Variants in HMOX2 observed in about 807,000 individuals in gnomAD.
HMOX2 encodes the protein heme oxygenase 2.
HMOX2 carries 30 observed loss-of-function variants against 33.7 expected under a neutral mutation model. The observed-to-expected ratio is 0.89, with a 90% CI of 0.67 to 1.21. HMOX2 has a LOEUF of 1.21. Among genes scored for constraint, HMOX2 ranks in the 50% most tolerant of loss-of-function variants. HMOX2 has a pLI of 0.00. For synonymous variants in HMOX2, 155 were observed against 155.0 expected (o/e 1.00, Z 0.00); for missense variants, 403 against 399.1 (o/e 1.01, Z -0.08).
intron 1 of HMOX2, among the ~76,000 whole-genome samples, chr16:4,479,758 T>G (rs2057968870): frequency 1.0e-5 from 1 of 98,422 alleles, no homozygotes; most frequent in African/African-American, 4.5e-5. Flanking sequence ...TTTTTTTTTT[T>G]GAGACAGTCT....
At chr16:4,495,383 T>C (rs2058394305) in intron 1 of HMOX2, 1 of 152,250 alleles carries the variant, frequency 6.6e-6, no homozygotes, top group African/African-American at 2.4e-5. Flanking sequence ...TGTCCCACCA[T>C]AGGCACAGTC....
intron 1 of HMOX2, among the ~76,000 whole-genome samples, chr16:4,482,143 T>G (rs1202963827): frequency 6.6e-6 from 1 of 152,202 alleles, no homozygotes; most frequent in Non-Finnish European, 1.5e-5. Flanking sequence ...CTCTACCATA[T>G]ACTTGAGAAT....
At chr16:4,475,822 C>G (rs2057807971), upstream of HMOX2, 1 of 152,024 alleles carries the variant, frequency 6.6e-6, no homozygotes, top group South Asian at 2.1e-4. Flanking sequence ...GCTTGTAATC[C>G]CAGCTATTCG....
At chr16:4,503,858 G>A (rs538801093) in intron 1 of HMOX2, among the ~76,000 whole-genome samples, 2 of 152,300 alleles carry the variant, frequency 1.3e-5, no homozygotes, top group Non-Finnish European at 2.9e-5. Context: ...CTGTTTCTGG[G>A]TAGAGCACAT....
intron 1 of HMOX2, chr16:4,496,418 C>G (rs2058422557): frequency 6.6e-6 from 1 of 152,076 alleles, no homozygotes; most frequent in Non-Finnish European, 1.5e-5. Context: ...GTCACCATGC[C>G]TGGCCTCTTG....
chr16:4,506,913 G>A lies in HMOX2; in HGVS notation c.105G>A (p.Glu35=). The A allele has an allele frequency of 3.7e-6, 6 of 1,613,704 alleles. No individual in the cohort carries two copies. Among genetic ancestry groups the A allele is most frequent in the Non-Finnish European group, 5.1e-6 (6 of 1,179,616 alleles). ...ENQMRMADLS[E]LLKEGTKEAH... ...TCCACAGAATGGCTGACCTCTCGGA[G>A]CTCCTGAAGGAAGGGACCAAGGAAG... Residue 35 remains glutamate, a synonymous_variant, in exon 3 of 6, where the codon GAG becomes GAA. Transcript: ENST00000570646.
At chr16:4,480,575 C>A (rs60919592) in intron 1 of HMOX2, among the ~76,000 whole-genome samples, 17,191 of 149,000 alleles carry the variant, frequency 0.12, 2,048 homozygotes, top group African/African-American at 0.3. Flanking sequence ...AAACTCCTGA[C>A]CTCAAGTGGT....
chr16:4,488,605 G>A (rs2058231690), intron 1 of HMOX2: 1 of 152,184 alleles, frequency 6.6e-6, no homozygotes, highest in Non-Finnish European at 1.5e-5. Context: ...TTACAAAGTT[G>A]TATAACTATT....
chr16:4,507,781 T>C lies in HMOX2; in HGVS notation c.273T>C (p.His91=). 6.2e-7 allele frequency: 1 copy of C among 1,614,092 alleles called. No homozygotes were observed. Among genetic ancestry groups the C allele is most frequent in the Non-Finnish European group, 8.5e-7 (1 of 1,180,012 alleles). The change falls in exon 4 of 6, where the codon CAT becomes CAC. Residue 91 remains histidine, a synonymous_variant. Coordinates refer to ENST00000570646, the MANE Select transcript of HMOX2 (RefSeq NM_002134.4). ...AGGAAATGGAGCGCAACAAGGACCATCCAGCCTTTGCCCCTTTGTACTTCC... is the reference window on the plus strand; with the variant it reads ...AGGAAATGGAGCGCAACAAGGACCACCCAGCCTTTGCCCCTTTGTACTTCC... ...LEEEMERNKD[H]PAFAPLYFPM...
At chr16:4,482,211 C>A (rs969456849) in intron 1 of HMOX2, among the ~76,000 whole-genome samples, 6 of 152,166 alleles carry the variant, frequency 3.9e-5, no homozygotes, top group African/African-American at 1.4e-4. Flanking sequence ...TTGTCCTGCT[C>A]TGTAAGACTT....
intron 1 of HMOX2, among the ~76,000 whole-genome samples, chr16:4,484,881 T>C (rs1337830540): frequency 1.3e-5 from 2 of 152,196 alleles, no homozygotes; most frequent in Non-Finnish European, 2.9e-5. Flanking sequence ...GTTGTTATAC[T>C]GTATCGTTTA....
intron 1 of HMOX2, among the ~76,000 whole-genome samples, chr16:4,498,266 C>T (rs1169193249): frequency 6.6e-6 from 1 of 151,812 alleles, no homozygotes; most frequent in African/African-American, 2.4e-5. Context: ...GGGGTTTTGC[C>T]ATGTTGGCCA....
intron 3 of HMOX2, 56 bp downstream of exon 3, chr16:4,507,068 G>T: frequency 1.7e-6 from 2 of 1,164,010 alleles, no homozygotes; most frequent in South Asian, 2.4e-5. Context: ...TGGGGGCCTT[G>T]GTCCCATGAG....
intron 1 of HMOX2, among the ~76,000 whole-genome samples, chr16:4,489,071 G>A (rs942712067): frequency 2.6e-5 from 4 of 151,944 alleles, no homozygotes; most frequent in African/African-American, 4.8e-5. Context: ...TAAGGAGGGG[G>A]CAAGTAACAC....
chr16:4,501,073 T>C (rs959491891), intron 1 of HMOX2, among the ~76,000 whole-genome samples: 1 of 152,174 alleles, frequency 6.6e-6, no homozygotes, highest in African/African-American at 2.4e-5. Flanking sequence ...ACTAGTTAGT[T>C]AATGCAGTGC....
chr16:4,509,878 C>T lies in HMOX2; in HGVS notation c.*122C>T. The T allele has an allele frequency of 8.7e-7, 1 of 1,149,570 alleles. No individual in the cohort carries two copies. Among genetic ancestry groups the T allele is most frequent in the Admixed American group, 2.5e-5 (1 of 39,634 alleles). The allele number at this position is 1,149,570 out of a possible 1,614,324, so 71.2% of individuals were successfully genotyped here. Reference sequence around the variant, plus strand: ...TAAAAAATGCTGGGTTTAAGAAAGGCAACCAATAAAAGCCAGATGCTAGAG... The same window carrying T: ...TAAAAAATGCTGGGTTTAAGAAAGGTAACCAATAAAAGCCAGATGCTAGAG... On this transcript the variant is annotated 3_prime_UTR_variant, in exon 6 of 6. Transcript: ENST00000570646.
At chr16:4,481,364 A>AG (rs1235502150) in intron 1 of HMOX2, among the ~76,000 whole-genome samples, 3 of 151,768 alleles carry the variant, frequency 2.0e-5, no homozygotes, top group African/African-American at 7.3e-5. Flanking sequence ...AAAAAAAAAA[A>AG]AGAAAAAAAT....
intron 1 of HMOX2, among the ~76,000 whole-genome samples, chr16:4,492,703 G>C (rs1436461260): frequency 6.6e-6 from 1 of 151,892 alleles, no homozygotes; most frequent in African/African-American, 2.4e-5. Flanking sequence ...TGGCGACAGA[G>C]TGAGACTCTG....
chr16:4,493,589 C>T (rs1050794161), intron 1 of HMOX2, among the ~76,000 whole-genome samples: 1 of 152,214 alleles, frequency 6.6e-6, no homozygotes, highest in African/African-American at 2.4e-5. Context: ...TTTCTACAGC[C>T]TGTGCCTTAA....
Sources: allele counts gnomAD v4.1 joint callset (sites outside exome capture counted in the v4.1 genomes callset), GRCh38; gene constraint gnomAD v4.1.1; transcripts MANE v1.5; gene names NCBI Gene and HGNC (gene_info 2026-07-23, HGNC 2026-07-21).